The following LIN9 variants were observed in gnomAD, a reference collection of about 807,000 sequenced individuals.
LIN9 encodes protein lin-9 homolog.
Under a neutral mutation model 78.0 loss-of-function variants are expected in LIN9, and 18 were observed. The ratio of observed to expected loss-of-function variants is 0.23; its 90% CI spans 0.16 to 0.34. LIN9 has a LOEUF of 0.34. LIN9 is among the 10% of genes least tolerant of loss of function. The probability of loss-of-function intolerance (pLI) is 1.00; values close to 1 mark genes in which losing one functional copy is unlikely to be tolerated. For synonymous variants in LIN9, 192 were observed against 215.2 expected (o/e 0.89, Z 0.94); for missense variants, 451 against 644.1 (o/e 0.70, Z 3.25).
At chr1:226,298,676 C>A (rs886651078) in intron 2 of LIN9, among the ~76,000 whole-genome samples, 1 of 152,118 alleles carries the variant, frequency 6.6e-6, no homozygotes, top group African/African-American at 2.4e-5. Context: ...ACCTGCCCAA[C>A]ATGGTGAAAC....
At chr1:226,295,246 T>C (rs1005677519) in intron 4 of LIN9, among the ~76,000 whole-genome samples, 9 of 150,512 alleles carry the variant, frequency 6.0e-5, no homozygotes, top group African/African-American at 2.2e-4. Context: ...GGTCAGGAGT[T>C]CAAGACCAGC....
At chr1:226,238,164 C>T (rs903392571) in intron 12 of LIN9, among the ~76,000 whole-genome samples, 2 of 152,026 alleles carry the variant, frequency 1.3e-5, no homozygotes, top group African/African-American at 4.8e-5. Flanking sequence ...ACCCTGTTAT[C>T]TATGTATTTG....
In LIN9 at chr1:226,253,839, C is replaced by T. The variant is rs560982646; in HGVS notation, c.1039-2920G>A. 3.9e-5 allele frequency among the ~76,000 whole-genome samples: 6 copies of T among 152,084 alleles called. No homozygotes were observed. In the South Asian group the frequency reaches 1.2e-3, roughly 32 times the overall value. Reference sequence around the variant, plus strand: ...CTGAGGCAGGAGAATCACATGAACCCAGGAAGCAGAGTCTGCAATGAGCTA... The same window carrying T: ...CTGAGGCAGGAGAATCACATGAACCTAGGAAGCAGAGTCTGCAATGAGCTA... On this transcript the variant is annotated intron_variant, in intron 10 of 14. Transcript: ENST00000681046.
At chr1:226,240,299 G>A (rs932249063) in intron 11 of LIN9, among the ~76,000 whole-genome samples, 1 of 151,398 alleles carries the variant, frequency 6.6e-6, no homozygotes, top group Non-Finnish European at 1.5e-5. Flanking sequence ...GGCTAGACTC[G>A]AACTCCTGGC....
At chr1:226,305,315 G>GAAAAAAAAAAAA (rs111859953) in intron 1 of LIN9, among the ~76,000 whole-genome samples, 6 of 77,450 alleles carry the variant, frequency 7.7e-5, no homozygotes, top group Non-Finnish European at 1.0e-4. Flanking sequence ...ACAAAAAAAA[G>GAAAAAAAAAAAA]AAAAAAAAAA....
intron 11 of LIN9, among the ~76,000 whole-genome samples, chr1:226,240,018 A>T (rs1019540531): frequency 3.3e-5 from 5 of 152,204 alleles, no homozygotes; most frequent in African/African-American, 1.2e-4. Flanking sequence ...TCCTAGACCT[A>T]GGGAGGAACT....
chr1:226,294,277 CAA>C (rs35182254), intron 4 of LIN9, among the ~76,000 whole-genome samples: 208 of 114,142 alleles, frequency 1.8e-3, no homozygotes, highest in Admixed American at 1.7e-3. Context: ...CAATGCAGTC[CAA>C]AAAAAAAAAA....
chr1:226,256,964 T>C (rs1168071979), intron 10 of LIN9, among the ~76,000 whole-genome samples: 1 of 150,818 alleles, frequency 6.6e-6, no homozygotes, highest in Non-Finnish European at 1.5e-5. Context: ...ATTTTTTTCT[T>C]TTTTTCTGAG....
intron 12 of LIN9, among the ~76,000 whole-genome samples, chr1:226,235,524 T>C (rs182049482): frequency 1.5e-4 from 23 of 152,230 alleles, no homozygotes; most frequent in African/African-American, 5.5e-4. Flanking sequence ...AATTTTAGAA[T>C]ATTTGCATTA....
chr1:226,282,029 G>A (rs1661098477), intron 6 of LIN9, among the ~76,000 whole-genome samples: 1 of 152,048 alleles, frequency 6.6e-6, no homozygotes, highest in African/African-American at 2.4e-5. Flanking sequence ...TGACACCTTA[G>A]ACATATACAA....
chr1:226,289,847 GGGGGGGGGT>G (rs1661633392), intron 4 of LIN9, among the ~76,000 whole-genome samples: 1 of 49,096 alleles, frequency 2.0e-5, no homozygotes, highest in Non-Finnish European at 4.0e-5. Context: ...GGGGGGGGGT[GGGGGGGGGT>G]GGGAAAGCTA....
intron 10 of LIN9, among the ~76,000 whole-genome samples, chr1:226,256,052 C>T (rs577240477): frequency 2.3e-4 from 35 of 151,940 alleles, no homozygotes; most frequent in African/African-American, 7.7e-4. Flanking sequence ...TCTAGATTTA[C>T]ACATATCATA....
chr1:226,239,306 G>A (rs1657946776), intron 11 of LIN9, among the ~76,000 whole-genome samples: 1 of 152,190 alleles, frequency 6.6e-6, no homozygotes, highest in South Asian at 2.1e-4. Context: ...TCTGCCATTT[G>A]CTTTTTTGAA....
intron 11 of LIN9, among the ~76,000 whole-genome samples, chr1:226,249,607 C>G (rs115627580): frequency 3.9e-5 from 6 of 152,116 alleles, no homozygotes; most frequent in Non-Finnish European, 8.8e-5. Flanking sequence ...CACACCTATA[C>G]CCTTATAACA....
At chr1:226,303,453 T>C (rs1376779580) in intron 1 of LIN9, among the ~76,000 whole-genome samples, 1 of 152,182 alleles carries the variant, frequency 6.6e-6, no homozygotes, top group Non-Finnish European at 1.5e-5. Context: ...GTGTTCATGA[T>C]GAGCTTCTAT....
intron 2 of LIN9, among the ~76,000 whole-genome samples, chr1:226,299,663 T>C (rs978851175): frequency 1.3e-5 from 2 of 152,146 alleles, no homozygotes; most frequent in Non-Finnish European, 2.9e-5. Context: ...ATTTGGTAAA[T>C]CACCAATCCA....
intron 1 of LIN9, among the ~76,000 whole-genome samples, chr1:226,308,074 G>T (rs1663030831): frequency 6.6e-6 from 1 of 152,198 alleles, no homozygotes; most frequent in Admixed American, 6.5e-5. Flanking sequence ...AAGTCCATTT[G>T]CCTTGTGCAT....
At chr1:226,279,608 C>CAAAAAAAAAA (rs56886138) in intron 6 of LIN9, among the ~76,000 whole-genome samples, 5 of 64,716 alleles carry the variant, frequency 7.7e-5, no homozygotes, top group Non-Finnish European at 1.1e-4. Flanking sequence ...GCCAAAAATA[C>CAAAAAAAAAA]AAAAAAAAAA....
At chr1:226,273,896 G>A (rs2102933546) in intron 7 of LIN9, among the ~76,000 whole-genome samples, 1 of 150,310 alleles carries the variant, frequency 6.7e-6, no homozygotes, top group South Asian at 2.1e-4. Context: ...GGAGTGCAGT[G>A]GCGCAATCTC....
Sources: gnomAD v4.1 joint callset for allele counts (sites outside exome capture counted in the v4.1 genomes callset) on GRCh38, gnomAD v4.1.1 for gene constraint, MANE v1.5 for transcripts, NCBI Gene and HGNC (gene_info 2026-07-23, HGNC 2026-07-21) for gene names.